The following CDH12 variants were observed in gnomAD, a reference collection of about 807,000 sequenced individuals.
CDH12 encodes the protein cadherin 12.
Under a neutral mutation model 74.1 loss-of-function variants are expected in CDH12, and 41 were observed. That is an observed-to-expected ratio of 0.55 (90% CI 0.43 to 0.72). The LOEUF is 0.72. Ranked by LOEUF, CDH12 falls within the 30% of genes least tolerant of loss-of-function variation. The pLI, the probability that CDH12 is intolerant of heterozygous loss-of-function variation, is 0.00. For synonymous variants in CDH12, 399 were observed against 355.0 expected, an observed-to-expected ratio of 1.12 and a Z score of -1.39; for missense variants, 945 against 977.2, an observed-to-expected ratio of 0.97 and a Z score of 0.44.
chr5:22,305,560 T>C (rs1243510265), intron 3 of CDH12, among the ~76,000 whole-genome samples: 2 of 152,126 alleles, frequency 1.3e-5, no homozygotes, highest in Admixed American at 1.3e-4. Flanking sequence ...TTGGCCACCT[T>C]AAAGTGCCTG....
At chr5:22,111,394 C>T (rs1052096576) in intron 4 of CDH12, among the ~76,000 whole-genome samples, 4 of 152,138 alleles carry the variant, frequency 2.6e-5, no homozygotes, top group South Asian at 2.1e-4. Flanking sequence ...GCTGCTTTCC[C>T]GTTTTCCCTG....
chr5:22,079,568 T>C (rs1742576451), intron 4 of CDH12, among the ~76,000 whole-genome samples: 1 of 152,190 alleles, frequency 6.6e-6, no homozygotes, highest in African/African-American at 2.4e-5. Flanking sequence ...TCTTTATAAA[T>C]TTAAATTTTC....
At chr5:22,093,897 G>C (rs1018963951) in intron 4 of CDH12, among the ~76,000 whole-genome samples, 1 of 152,076 alleles carries the variant, frequency 6.6e-6, no homozygotes, top group Non-Finnish European at 1.5e-5. Flanking sequence ...AATCAAACAA[G>C]GTCCCAATTC....
At chr5:22,010,036 T>G (rs1672417478) in intron 5 of CDH12, among the ~76,000 whole-genome samples, 1 of 150,468 alleles carries the variant, frequency 6.6e-6, no homozygotes, top group Non-Finnish European at 1.5e-5. Flanking sequence ...GAGAAATGGG[T>G]CAGCACTGTC....
At chr5:22,094,912 T>G (rs182470270) in intron 4 of CDH12, among the ~76,000 whole-genome samples, 1 of 152,240 alleles carries the variant, frequency 6.6e-6, no homozygotes, top group African/African-American at 2.4e-5. Context: ...TAATTTTCAT[T>G]TACCTACCCA....
At chr5:22,806,645 C>T (rs1009091342) in intron 1 of CDH12, among the ~76,000 whole-genome samples, 1 of 152,120 alleles carries the variant, frequency 6.6e-6, no homozygotes, top group Non-Finnish European at 1.5e-5. Context: ...TGAGCCACCG[C>T]GCCCGGCCTA....
intron 1 of CDH12, among the ~76,000 whole-genome samples, chr5:22,746,560 G>A (rs1260794327): frequency 6.6e-6 from 1 of 152,054 alleles, no homozygotes; most frequent in African/African-American, 2.4e-5. Context: ...GACATTACAG[G>A]CATGCATGCA....
intron 5 of CDH12, among the ~76,000 whole-genome samples, chr5:22,031,624 T>G (rs1420787530): frequency 6.6e-6 from 1 of 152,176 alleles, no homozygotes; most frequent in Non-Finnish European, 1.5e-5. Flanking sequence ...GTGAGAAACA[T>G]GAAACTCTTT....
intron 5 of CDH12, among the ~76,000 whole-genome samples, chr5:22,007,922 G>A (rs1336983266): frequency 2.0e-5 from 3 of 152,038 alleles, no homozygotes; most frequent in Admixed American, 1.3e-4. Flanking sequence ...GGAAATGTTT[G>A]TGTTGTATAT....
intron 2 of CDH12, among the ~76,000 whole-genome samples, chr5:22,504,645 ATGTC>A (rs1396164739): frequency 6.6e-6 from 1 of 152,040 alleles, no homozygotes; most frequent in African/African-American, 2.4e-5. Context: ...TTTAATTACT[ATGTC>A]TGTGAAGGTT....
intron 6 of CDH12, among the ~76,000 whole-genome samples, chr5:21,891,126 A>G (rs1752879320): frequency 6.6e-6 from 1 of 152,094 alleles, no homozygotes; most frequent in African/African-American, 2.4e-5. Context: ...GTTTATATAA[A>G]TCCTAATTGC....
chr5:22,284,967 T>G (rs1322282646), intron 3 of CDH12, among the ~76,000 whole-genome samples: 2 of 148,708 alleles, frequency 1.3e-5, no homozygotes, highest in Middle Eastern at 3.5e-3. Flanking sequence ...AAAAAAGCAT[T>G]GAGCAAAGTA....
chr5:21,857,158 TC>T (rs1750797678), intron 6 of CDH12, among the ~76,000 whole-genome samples: 1 of 151,834 alleles, frequency 6.6e-6, no homozygotes, highest in African/African-American at 2.4e-5. Context: ...CACCAGCTGT[TC>T]CTGACACTAT....
chr5:22,254,139 C>T (rs1753227473), intron 3 of CDH12, among the ~76,000 whole-genome samples: 1 of 151,604 alleles, frequency 6.6e-6, no homozygotes, highest in African/African-American at 2.4e-5. Context: ...TTTAATGTAA[C>T]CTGATAGTGC....
At chr5:22,115,298 T>C (rs141165938) in intron 4 of CDH12, among the ~76,000 whole-genome samples, 537 of 152,334 alleles carry the variant, frequency 3.5e-3, no homozygotes, top group Non-Finnish European at 6.5e-3. Flanking sequence ...TCTTAGTTCC[T>C]TGGTTTAACT....
rs139899047 is a variant in CDH12 at position 22,596,201 on chromosome 5, C to T, written c.-522-90837G>A. Among the ~76,000 whole-genome samples, 528 of 151,970 alleles carry T rather than the reference C, an allele frequency of 3.5e-3. 1 individual carries two copies. Among genetic ancestry groups the T allele is most frequent in the African/African-American group, 9.7e-3 (401 of 41,522 alleles). ...TCTGTAATCCCAGCATTCTGGGAGG[C>T]CGAGACTGGATGGATCACCTGAGGC... On this transcript the variant is annotated intron_variant, in intron 1 of 14. Coordinates refer to ENST00000382254, the MANE Select transcript of CDH12 (RefSeq NM_004061.5).
At chr5:21,950,304 A>G (rs1755793175) in intron 6 of CDH12, among the ~76,000 whole-genome samples, 1 of 152,186 alleles carries the variant, frequency 6.6e-6, no homozygotes. Flanking sequence ...CATTTCTCAG[A>G]ATGTAATTTT....
At chr5:22,587,741 G>C (rs1740473613) in intron 1 of CDH12, among the ~76,000 whole-genome samples, 2 of 151,624 alleles carry the variant, frequency 1.3e-5, no homozygotes, top group African/African-American at 4.8e-5. Flanking sequence ...ACCATTTTCT[G>C]TTGAGACCCC....
At chr5:21,765,458 A>G (rs1335473823) in intron 11 of CDH12, among the ~76,000 whole-genome samples, 2 of 150,582 alleles carry the variant, frequency 1.3e-5, no homozygotes, top group Admixed American at 6.7e-5. Flanking sequence ...TGAAAACGTT[A>G]TTGGTTGGAT....
Sources: allele counts gnomAD v4.1 joint callset (sites outside exome capture counted in the v4.1 genomes callset), GRCh38; gene constraint gnomAD v4.1.1; transcripts MANE v1.5; gene names NCBI Gene and HGNC (gene_info 2026-07-23, HGNC 2026-07-21).